The following SYNE1 variants were observed in gnomAD, a reference collection of about 807,000 sequenced individuals.
The protein encoded by SYNE1 is nesprin-1.
In SYNE1, 616 loss-of-function variants were observed where a neutral mutation model predicts 1,111.0. The ratio of observed to expected loss-of-function variants is 0.55; its 90% confidence interval spans 0.52 to 0.59. The LOEUF (loss-of-function observed/expected upper bound fraction) is 0.59. Among genes scored for constraint, SYNE1 ranks in the 20% least tolerant of loss-of-function variants. The probability of loss-of-function intolerance (pLI) is 0.00; values close to 1 mark genes in which losing one functional copy is unlikely to be tolerated. For missense variants in SYNE1, 10,006 were observed against 10,417.0 expected (o/e 0.96, Z 1.72); for synonymous variants, 3,855 against 3,825.8 (o/e 1.01, Z -0.28).
At chr6:152,170,920 C>A (rs1563197978) in intron 130 of SYNE1, among the ~76,000 whole-genome samples, 1 of 152,160 alleles carries the variant, frequency 6.6e-6, no homozygotes, top group African/African-American at 2.4e-5. Flanking sequence ...TTCCCCCAGA[C>A]TGTTCTTGTG....
chr6:152,446,401 A>G (rs2098592303), intron 29 of SYNE1, among the ~76,000 whole-genome samples: 1 of 152,030 alleles, frequency 6.6e-6, no homozygotes, highest in African/African-American at 2.4e-5. Context: ...TCATAGGGAA[A>G]CTCTAATTTA....
intron 61 of SYNE1, chr6:152,368,713 T>C (rs2097127536): frequency 2.1e-6 from 1 of 487,584 alleles, no homozygotes; most frequent in Non-Finnish European, 3.8e-6. Context: ...GAATATCTTG[T>C]GCAATAATGA....
intron 140 of SYNE1, 28 bp from the exon 141 acceptor site, chr6:152,136,846 C>T: frequency 6.2e-7 from 1 of 1,608,416 alleles, no homozygotes; most frequent in South Asian, 1.1e-5. Context: ...GACAATCAAA[C>T]AAGGACAATA....
chr6:152,477,126 G>C (rs1333925555), intron 14 of SYNE1, among the ~76,000 whole-genome samples: 1 of 152,004 alleles, frequency 6.6e-6, no homozygotes, highest in East Asian at 1.9e-4. Context: ...TATCAATATT[G>C]ACCCAATTGC....
intron 3 of SYNE1, among the ~76,000 whole-genome samples, chr6:152,608,983 G>T (rs2099623764): frequency 6.6e-6 from 1 of 151,972 alleles, no homozygotes; most frequent in Non-Finnish European, 1.5e-5. Flanking sequence ...GATTTTGAAA[G>T]ATTTTTCCAG....
At chr6:152,171,382 G>T (rs2763031) in intron 130 of SYNE1, among the ~76,000 whole-genome samples, 62,182 of 152,064 alleles carry the variant, frequency 0.41, 13,424 homozygotes, top group East Asian at 0.59. Flanking sequence ...CAGCAAATAC[G>T]GGAGTGACTG....
chr6:152,192,726 G>C (rs978049183), intron 127 of SYNE1, among the ~76,000 whole-genome samples: 1 of 151,690 alleles, frequency 6.6e-6, no homozygotes, highest in Non-Finnish European at 1.5e-5. Context: ...TATTTATCTG[G>C]GTGGTCCAGT....
chr6:152,152,282 C>T (rs1294116936), intron 133 of SYNE1, 141 bp from the exon 134 acceptor site: 2 of 775,166 alleles, frequency 2.6e-6, no homozygotes, highest in Non-Finnish European at 4.4e-6. Context: ...AATAACGGTA[C>T]ACTTCCCCTT....
intron 105 of SYNE1, among the ~76,000 whole-genome samples, chr6:152,245,441 G>A (rs934685283): frequency 2.0e-5 from 3 of 152,170 alleles, no homozygotes; most frequent in Non-Finnish European, 4.4e-5. Flanking sequence ...TGCCCCTGAA[G>A]GAGGACAAAA....
intron 16 of SYNE1, 26 bp downstream of exon 16, chr6:152,471,571 T>A: frequency 6.2e-7 from 1 of 1,611,806 alleles, no homozygotes; most frequent in Non-Finnish European, 8.5e-7. Context: ...TCATAGGAAT[T>A]CTCTGTCAAA....
intron 11 of SYNE1, among the ~76,000 whole-genome samples, chr6:152,492,595 G>T (rs1051234580): frequency 2.0e-5 from 3 of 152,172 alleles, no homozygotes; most frequent in Non-Finnish European, 4.4e-5. Flanking sequence ...TGTCCAACTT[G>T]CCTGGAAGCC....
chr6:152,206,602 T>C (rs973881469), intron 125 of SYNE1, among the ~76,000 whole-genome samples: 1 of 152,158 alleles, frequency 6.6e-6, no homozygotes, highest in Non-Finnish European at 1.5e-5. Context: ...TTAAGATTGA[T>C]GCGTGGAAAT....
chr6:152,234,120 C>T (rs558577473), intron 111 of SYNE1, among the ~76,000 whole-genome samples, 157 bp from the exon 112 acceptor site: 1 of 152,228 alleles, frequency 6.6e-6, no homozygotes, highest in African/African-American at 2.4e-5. Flanking sequence ...CCCTTGCCCT[C>T]GAATGAAAGG....
chr6:152,387,123 T>C lies in SYNE1; in HGVS notation c.8436A>G (p.Thr2812=). The change falls in exon 54 of 146, where the codon ACA becomes ACG. Residue 2812 remains threonine (T), a synonymous_variant. Transcript: ENST00000367255. The part of the protein sequence containing the change: ...EKTEDESFKD[T]AQEELKTQFN... The stretch of plus-strand genomic sequence containing the variant: ...ACTGTGTTTTCAGCTCCTCTTGAGC[T>C]GTGTCCTTGAAAGACTCATCCTCTG... 2.5e-6 allele frequency: 4 copies of C among 1,614,218 alleles called. No homozygotes were observed. The highest frequency in any genetic ancestry group is 2.5e-6 in the Non-Finnish European group (3 of 1,180,022).
intron 91 of SYNE1, among the ~76,000 whole-genome samples, chr6:152,304,528 T>G (rs998108541): frequency 1.3e-5 from 2 of 152,038 alleles, no homozygotes; most frequent in Non-Finnish European, 2.9e-5. Flanking sequence ...AGGGACATGT[T>G]GGCCAAGCTG....
In SYNE1 at chr6:152,538,741, T is replaced by C. The variant is rs537295290; in HGVS notation, c.129+1219A>G. On this transcript the variant is annotated intron_variant, in intron 4 of 145. Transcript: ENST00000367255. ...ATAAGCCCCAAAGTCATCAATCCTA[T>C]GTATCCACTGCCTTTTTACAGAGCA... 2.6e-5 allele frequency among the ~76,000 whole-genome samples: 4 copies of C among 152,158 alleles called. No homozygotes were observed. In the South Asian group the frequency reaches 8.3e-4, roughly 32 times the overall value.
At chr6:152,253,844 T>G (rs1329932256) in intron 104 of SYNE1, among the ~76,000 whole-genome samples, 3 of 94,478 alleles carry the variant, frequency 3.2e-5, no homozygotes, top group Admixed American at 2.2e-4. Flanking sequence ...TTTTTTTTTT[T>G]TTTTTTTTTT....
In SYNE1 at chr6:152,329,834, TCTC is replaced by T; in HGVS notation, c.14848_14850del (p.Glu4950del). On this transcript the variant is annotated inframe_deletion, in exon 78 of 146. Coordinates refer to ENST00000367255, the MANE Select transcript of SYNE1 (RefSeq NM_182961.4). Reference sequence around the variant, plus strand: ...ATCAGCTCCTTGGCCTTTGTGAACTTCTCCTTTTCCTTGTGACTCAGCGCATTC... The same window carrying T: ...ATCAGCTCCTTGGCCTTTGTGAACTTCTTTTCCTTGTGACTCAGCGCATTC... 2 of 1,614,154 alleles carry T rather than the reference TCTC, an allele frequency of 1.2e-6. No homozygotes were observed. The highest frequency in any genetic ancestry group is 1.3e-5 in the African/African-American group (1 of 75,022).
Position 152,217,646 on chromosome 6 carries a change from G to A in SYNE1, c.22191+611C>T, listed in dbSNP as rs1483558868. Among the ~76,000 whole-genome samples, 5 of 152,016 alleles carry A rather than the reference G, an allele frequency of 3.3e-5. No homozygotes were observed. In the East Asian group the frequency reaches 9.6e-4, roughly 29 times the overall value. ...AGAGAGATAGGAGTAGATTGAGCTAGGAGTAGATGATGTTAGAAACAGAGA... is the reference window on the plus strand; with the variant it reads ...AGAGAGATAGGAGTAGATTGAGCTAAGAGTAGATGATGTTAGAAACAGAGA... On this transcript the variant is annotated intron_variant, in intron 121 of 145. Coordinates refer to ENST00000367255, the MANE Select transcript of SYNE1 (RefSeq NM_182961.4).
Sources: gnomAD v4.1 joint callset for allele counts (sites outside exome capture counted in the v4.1 genomes callset) on GRCh38, gnomAD v4.1.1 for gene constraint, MANE v1.5 for transcripts, NCBI Gene and HGNC (gene_info 2026-07-23, HGNC 2026-07-21) for gene names.